NLGN2: variants seen among roughly 807,000 people sequenced by gnomAD.
NLGN2 encodes the protein neuroligin-2.
A neutral mutation model predicts 48.6 loss-of-function variants in NLGN2; 11 were observed. That is an observed-to-expected ratio of 0.23 (90% confidence interval 0.14 to 0.37). The LOEUF is 0.37. Ranked by LOEUF, NLGN2 falls within the 10% of genes least tolerant of loss-of-function variation. The pLI is 1.00. For synonymous variants in NLGN2, 548 were observed against 550.0 expected (o/e 1.00, Z 0.05); for missense variants, 801 against 1,225.2 (o/e 0.65, Z 5.17).
Position 7,415,688 on chromosome 17 carries a change from C to T in NLGN2, c.1215C>T (p.Ala405=). The T allele has an allele frequency of 6.2e-7, 1 of 1,614,268 alleles. No homozygotes were observed. Among genetic ancestry groups the T allele is most frequent in the Non-Finnish European group, 8.5e-7 (1 of 1,180,050 alleles). ...GCGAGGACGGTGTGTCTGCCAGCGC[C>T]TTTGACTTCACTGTCTCCAACTTTG... ...AESEDGVSAS[A]FDFTVSNFVD... The change falls in exon 6 of 7, where the codon GCC becomes GCT. Residue 405 remains alanine (A), a synonymous_variant. Coordinates refer to ENST00000302926, the MANE Select transcript of NLGN2 (RefSeq NM_020795.4).
rs1180849356 is a variant in NLGN2 at position 7,408,093 on chromosome 17, T to G, written c.-163T>G. ...TCCATGGAGAGGAACAGACCCCTTC[T>G]CTGTCCAGTCTAACCCAGGTCCCTC... On this transcript the variant is annotated 5_prime_UTR_variant, in exon 1 of 7. Coordinates refer to ENST00000302926, the MANE Select transcript of NLGN2 (RefSeq NM_020795.4). The surrounding 1 kb of genome is among the most constrained non-coding windows in gnomAD (Gnocchi z 7.5). The G allele has an allele frequency of 8.0e-6, 3 of 372,692 alleles. No homozygotes were observed. The highest frequency in any genetic ancestry group is 9.7e-5 in the Admixed American group (2 of 20,634). 23.1% of individuals were successfully genotyped at this position (372,692 alleles called of 1,614,324 possible).
At position 7,415,880 on chromosome 17, in the gene NLGN2, G is replaced by T; in HGVS notation, c.1407G>T (p.Lys469Asn). Reference sequence around the variant, plus strand: ...TGGCACCAGCTGTGGCCACTGCCAAGCTGCACGCCGACTACCAGTCTCCCG... The same window carrying T: ...TGGCACCAGCTGTGGCCACTGCCAATCTGCACGCCGACTACCAGTCTCCCG... Reference protein sequence around the residue: ...QWVAPAVATAKLHADYQSPVY... With the variant: ...QWVAPAVATANLHADYQSPVY... Residue 469 changes from lysine to asparagine, a missense_variant, in exon 6 of 7, where the codon AAG (lysine) becomes AAT (asparagine). Lys to Asn is a moderately conservative substitution (Grantham distance 94). Coordinates refer to ENST00000302926, the MANE Select transcript of NLGN2 (RefSeq NM_020795.4). 1 of 1,610,684 alleles carries T rather than the reference G, an allele frequency of 6.2e-7. No homozygotes were observed.
In NLGN2 at chr17:7,417,796, A is replaced by G; in HGVS notation, c.2505A>G (p.Val835=). The G allele has an allele frequency of 2.0e-5, 27 of 1,359,904 alleles. No individual in the cohort carries two copies. The highest frequency in any genetic ancestry group is 2.5e-5 in the Non-Finnish European group (27 of 1,061,150). 84.2% of individuals were successfully genotyped at this position (1,359,904 alleles called of 1,614,324 possible). A position where few individuals can be genotyped will look rare whatever the true frequency, so the allele number is the denominator to read the frequency against. ...CCCACCCCCACTCCACCACTCGGGTATAGGGGGTGGGTGGGGAGGCCCTCC... is the reference window on the plus strand; with the variant it reads ...CCCACCCCCACTCCACCACTCGGGTGTAGGGGGTGGGTGGGGAGGCCCTCC... The part of the protein sequence containing the change: ...TLPHPHSTTR[V] The change falls in exon 7 of 7, where the codon GTA becomes GTG. Residue 835 remains valine (V), a synonymous_variant. Transcript: ENST00000302926.
chr17:7,417,946 C>T lies in NLGN2; in HGVS notation c.*147C>T, dbSNP rs1052709294. On this transcript the variant is annotated 3_prime_UTR_variant, in exon 7 of 7. Coordinates refer to ENST00000302926, the MANE Select transcript of NLGN2 (RefSeq NM_020795.4). ...AAGGTGGACATGGGATTCCTCCCTG[C>T]GATGCGTGTCTTTCCCACGCAGAGA... 441 of 636,666 alleles carry T rather than the reference C, an allele frequency of 6.9e-4. 5 individuals carry two copies. Among genetic ancestry groups the T allele is most frequent in the Admixed American group, 3.9e-4 (9 of 22,962 alleles). 39.4% of individuals were successfully genotyped at this position (636,666 alleles called of 1,614,324 possible).
Position 7,417,268 on chromosome 17 carries a change from A to G in NLGN2, c.1977A>G (p.Pro659=), listed in dbSNP as rs147358626. The part of the protein sequence containing the change: ...LPPEPEPEPG[P]RAYDRFPGDS... ...CCGAGCCCGAGCCCGAGCCCGGCCC[A>G]AGGGCCTATGACCGCTTCCCCGGGG... The change falls in exon 7 of 7, where the codon CCA becomes CCG. Residue 659 remains proline (P), a synonymous_variant. Transcript: ENST00000302926. 6.3e-7 allele frequency: 1 copy of G among 1,577,948 alleles called. No homozygotes were observed. The highest frequency in any genetic ancestry group is 8.6e-7 in the Non-Finnish European group (1 of 1,164,640).
In NLGN2 at chr17:7,417,904, C is replaced by G; in HGVS notation, c.*105C>G. 9.1e-6 allele frequency: 10 copies of G among 1,095,704 alleles called. No individual in the cohort carries two copies. Among genetic ancestry groups the G allele is most frequent in the Non-Finnish European group, 8.3e-6 (7 of 842,672 alleles). 67.9% of individuals were successfully genotyped at this position (1,095,704 alleles called of 1,614,324 possible). ...GCTTTTCTCCTGTGGAGTCGTCACACGCCATCCAGCAGCGCTAAGGTGGAC... is the reference window on the plus strand; with the variant it reads ...GCTTTTCTCCTGTGGAGTCGTCACAGGCCATCCAGCAGCGCTAAGGTGGAC... On this transcript the variant is annotated 3_prime_UTR_variant, in exon 7 of 7. Transcript: ENST00000302926.
At position 7,407,921 on chromosome 17, in the gene NLGN2, A is replaced by G. The variant is rs947744100; in HGVS notation, c.-335A>G. 5 of 194,474 alleles carry G rather than the reference A, an allele frequency of 2.6e-5. No homozygotes were observed. Among genetic ancestry groups the G allele is most frequent in the African/African-American group, 9.4e-5 (4 of 42,504 alleles). The allele number at this position is 194,474 out of a possible 1,614,324, so 12.0% of individuals were successfully genotyped here. On this transcript the variant is annotated 5_prime_UTR_variant, in exon 1 of 7. Coordinates refer to ENST00000302926, the MANE Select transcript of NLGN2 (RefSeq NM_020795.4). ...CATTCCTTTCTGTCTGCCCCATCCA[A>G]TTTCCCTTGCCCTCTTCCACCTCTG...
chr17:7,414,991 G>A lies in NLGN2; in HGVS notation c.880G>A (p.Ala294Thr). ...GAAGGCCATCGCCCAGAGTGGCACC[G>A]CCATTTCCAGCTGGTCTGTCAACTA... The part of the protein sequence containing the change: ...FQKAIAQSGT[A>T]ISSWSVNYQP... Residue 294 changes from alanine to threonine, a missense_variant, in exon 5 of 7, where the codon GCC becomes ACC. Transcript: ENST00000302926. The A allele has an allele frequency of 1.9e-6, 3 of 1,612,330 alleles. No individual in the cohort carries two copies. Among genetic ancestry groups the A allele is most frequent in the Non-Finnish European group, 2.5e-6 (3 of 1,180,020 alleles).
chr17:7,416,884 C>T, intron 6 of NLGN2, 42 bp from the exon 7 acceptor site: 5 of 1,608,552 alleles, frequency 3.1e-6, no homozygotes, highest in Non-Finnish European at 4.2e-6. Flanking sequence ...CCTTCAGAGC[C>T]TTGCCCTCAC....
In NLGN2 at chr17:7,408,615, T is replaced by A. The variant is rs1450977656; in HGVS notation, c.360T>A (p.Pro120=). 1 of 1,605,010 alleles carries A rather than the reference T, an allele frequency of 6.2e-7. No homozygotes were observed. Among genetic ancestry groups the A allele is most frequent in the Admixed American group, 1.7e-5 (1 of 58,988 alleles). The change falls in exon 1 of 7, where the codon CCT becomes CCA. Residue 120 remains proline, a synonymous_variant. Transcript: ENST00000302926. The surrounding 1 kb of genome is among the most constrained non-coding windows in gnomAD (Gnocchi z 7.5). The part of the protein sequence containing the change: ...LHGALPAIML[P]VWFTDNLEAA... ...GGGCGCTGCCCGCCATCATGCTGCCTGTGTGGTTCACCGACAACTTGGAGG... is the reference window on the plus strand; with the variant it reads ...GGGCGCTGCCCGCCATCATGCTGCCAGTGTGGTTCACCGACAACTTGGAGG...
At chr17:7,410,430 A>G (rs1419342312) in intron 1 of NLGN2, among the ~76,000 whole-genome samples, 3 of 151,798 alleles carry the variant, frequency 2.0e-5, no homozygotes, top group Non-Finnish European at 4.4e-5. Flanking sequence ...CCCCCAGTAC[A>G]ATGCCCTCCA....
upstream of NLGN2, chr17:7,404,909 A>G (rs1906555898): frequency 6.8e-6 from 1 of 147,012 alleles, no homozygotes; most frequent in Non-Finnish European, 1.5e-5. Context: ...CCGCCGGCGG[A>G]TCATCACTCT....
chr17:7,408,841 G>A lies in NLGN2; in HGVS notation c.457+129G>A. The A allele has an allele frequency of 6.5e-7, 1 of 1,526,830 alleles. No individual in the cohort carries two copies. Among genetic ancestry groups the A allele is most frequent in the Admixed American group, 1.8e-5 (1 of 55,170 alleles). 94.6% of individuals were successfully genotyped at this position (1,526,830 alleles called of 1,614,324 possible). A position where few individuals can be genotyped will look rare whatever the true frequency, so the allele number is the denominator to read the frequency against. On this transcript the variant is annotated intron_variant, in intron 1 of 6. Coordinates refer to ENST00000302926, the MANE Select transcript of NLGN2 (RefSeq NM_020795.4). This position sits in a 1 kb window ranked among gnomAD's most constrained non-coding sequence, Gnocchi z 7.5. ...TTGTGGGGGCAGTGAGGGACGGAGT[G>A]TCCCTGCAACCTCTACGTGCCCCCT...
In NLGN2 at chr17:7,415,815, C is replaced by A; in HGVS notation, c.1342C>A (p.Arg448Ser). 5 of 1,613,908 alleles carry A rather than the reference C, an allele frequency of 3.1e-6. No homozygotes were observed. Among genetic ancestry groups the A allele is most frequent in the Non-Finnish European group, 4.2e-6 (5 of 1,180,020 alleles). Residue 448 changes from arginine (R) to serine (S), a missense_variant, in exon 6 of 7, where the codon CGC becomes AGC. Arg to Ser is a moderately radical substitution (Grantham distance 110). This residue lies in a region of NLGN2 where 303 missense variants were observed against 600.1 expected (regional missense o/e 0.50). Coordinates refer to ENST00000302926, the MANE Select transcript of NLGN2 (RefSeq NM_020795.4). ...CGACCGGGACAATGGCGAAATGCGC[C>A]GCAAAACCCTGCTGGCGCTCTTTAC... is the stretch of plus-strand genomic sequence containing the variant. ...WADRDNGEMRRKTLLALFTDH... is the reference protein window; with the variant it reads ...WADRDNGEMRSKTLLALFTDH...
upstream of NLGN2, among the ~76,000 whole-genome samples, chr17:7,406,638 C>T (rs980538940): frequency 5.2e-5 from 1 of 19,100 alleles, no homozygotes; most frequent in Non-Finnish European, 1.1e-4. Flanking sequence ...ACAGCTCTGG[C>T]GGCTGGTGGG....
chr17:7,408,221 G>C lies in NLGN2; in HGVS notation c.-35G>C. The C allele has an allele frequency of 8.8e-7, 1 of 1,140,072 alleles. No individual in the cohort carries two copies. The allele number at this position is 1,140,072 out of a possible 1,614,324, so 70.6% of individuals were successfully genotyped here. On this transcript the variant is annotated 5_prime_UTR_variant, in exon 1 of 7. Coordinates refer to ENST00000302926, the MANE Select transcript of NLGN2 (RefSeq NM_020795.4). This position sits in a 1 kb window ranked among gnomAD's most constrained non-coding sequence, Gnocchi z 7.5. ...CTTCTCTCTCTCTCCGAGGGGGGGG[G>C]GTCCCAGGGAGGGAGGGGGGGTCCC...
chr17:7,408,288 G>A lies in NLGN2; in HGVS notation c.33G>A (p.Leu11=). ...TCCTGGCGCTGTGTCTGGTGGGGCT[G>A]GCGGGGGCTCAACGCGGGGGAGGGG... MWLLALCLVG[L]AGAQRGGGGP... is the part of the protein sequence containing the mutation. The change falls in exon 1 of 7, where the codon CTG becomes CTA. Residue 11 remains leucine, a synonymous_variant. Transcript: ENST00000302926. The surrounding 1 kb of genome is among the most constrained non-coding windows in gnomAD (Gnocchi z 7.5). 7.4e-7 allele frequency: 1 copy of A among 1,351,238 alleles called. No individual in the cohort carries two copies. Among genetic ancestry groups the A allele is most frequent in the South Asian group, 1.9e-5 (1 of 52,958 alleles). 83.7% of individuals were successfully genotyped at this position (1,351,238 alleles called of 1,614,324 possible).
At position 7,417,861 on chromosome 17, in the gene NLGN2, A is replaced by G. The variant is rs1907205242; in HGVS notation, c.*62A>G. 2 of 1,341,972 alleles carry G rather than the reference A, an allele frequency of 1.5e-6. No individual in the cohort carries two copies. The highest frequency in any genetic ancestry group is 1.9e-6 in the Non-Finnish European group (2 of 1,052,816). The allele number at this position is 1,341,972 out of a possible 1,614,324, so 83.1% of individuals were successfully genotyped here. A position where few individuals can be genotyped will look rare whatever the true frequency, so the allele number is the denominator to read the frequency against. On this transcript the variant is annotated 3_prime_UTR_variant, in exon 7 of 7. Transcript: ENST00000302926. The stretch of plus-strand genomic sequence containing the variant: ...TGGCCCGGCCACTCCGAAGGCAGGG[A>G]GGAGGACTTGGCAACTGGCTTTTCT...
chr17:7,407,837 A>T (rs1906704138), upstream of NLGN2, among the ~76,000 whole-genome samples: 1 of 151,914 alleles, frequency 6.6e-6, no homozygotes, highest in Non-Finnish European at 1.5e-5. Flanking sequence ...TGTGGGTGGG[A>T]GAAGGGGGCA....
Sources: gnomAD v4.1 joint callset for allele counts (sites outside exome capture counted in the v4.1 genomes callset) on GRCh38, gnomAD v4.1.1 for gene constraint, gnomAD v4.1.1 regional missense constraint, Gnocchi (gnomAD v3.1) non-coding constraint, MANE v1.5 for transcripts, NCBI Gene and HGNC (gene_info 2026-07-23, HGNC 2026-07-21) for gene names.